FGD3: variants seen among roughly 807,000 people sequenced by gnomAD.
The protein encoded by FGD3 is FYVE, RhoGEF and PH domain containing 3, also known as FYVE, RhoGEF and PH domain-containing protein 3.
Under a neutral mutation model 71.8 loss-of-function variants are expected in FGD3, and 45 were observed. The ratio of observed to expected loss-of-function variants is 0.63; its 90% CI spans 0.49 to 0.80. The LOEUF (loss-of-function observed/expected upper bound fraction) is 0.80. Among genes scored for constraint, FGD3 ranks in the 30% least tolerant of loss-of-function variants. The pLI, the probability that FGD3 is intolerant of heterozygous loss-of-function variation, is 0.00. For missense variants in FGD3, 844 were observed against 951.5 expected (o/e 0.89, Z 1.49); for synonymous variants, 378 against 392.8 (o/e 0.96, Z 0.44).
chr9:92,993,436 T>G (rs1179471894), intron 3 of FGD3, among the ~76,000 whole-genome samples: 1 of 152,156 alleles, frequency 6.6e-6, no homozygotes, highest in East Asian at 1.9e-4. Flanking sequence ...ATGCTGTTAT[T>G]TTTAATCCAT....
chr9:93,033,936 C>G (rs1862479139), intron 16 of FGD3: 1 of 152,318 alleles, frequency 6.6e-6, no homozygotes, highest in African/African-American at 2.4e-5. Flanking sequence ...CTACCGAGCT[C>G]CCTCATGCCT....
chr9:92,977,159 G>C (rs1446303646), intron 3 of FGD3, among the ~76,000 whole-genome samples: 2 of 152,210 alleles, frequency 1.3e-5, no homozygotes. Context: ...GTCACCTATG[G>C]GGTGTGGCAC....
intron 3 of FGD3, among the ~76,000 whole-genome samples, chr9:93,001,588 A>G (rs1467397447): frequency 6.6e-6 from 1 of 152,184 alleles, no homozygotes; most frequent in Admixed American, 6.5e-5. Flanking sequence ...TTGACCCAAG[A>G]TGGGTCCTGG....
At chr9:93,020,245 G>A in intron 12 of FGD3, 72 bp from the exon 13 acceptor site, 1 of 1,413,158 alleles carries the variant, frequency 7.1e-7, no homozygotes, top group Non-Finnish European at 9.7e-7. Context: ...GACAGAGGCA[G>A]GCGCGTCCCT....
At chr9:92,980,030 A>T (rs1296884575) in intron 3 of FGD3, among the ~76,000 whole-genome samples, 1 of 145,028 alleles carries the variant, frequency 6.9e-6, no homozygotes, top group South Asian at 2.2e-4. Flanking sequence ...AATAGAATAG[A>T]TTTTTTTTTT....
At chr9:92,988,642 C>T (rs1004128234) in intron 3 of FGD3, among the ~76,000 whole-genome samples, 1 of 152,216 alleles carries the variant, frequency 6.6e-6, no homozygotes, top group African/African-American at 2.4e-5. Flanking sequence ...AGAGCAAGTA[C>T]TTACTGTAAA....
At position 93,023,172 on chromosome 9, in the gene FGD3, C is replaced by T. The variant is rs1179509378; in HGVS notation, c.1557+783C>T. On this transcript the variant is annotated intron_variant, in intron 14 of 17. Transcript: ENST00000375482. ...TGATTCTCCAGGTGCCTCGCCTCAC[C>T]CCATGCTGTGCAGGCCCAGGAATGA... Among the ~76,000 whole-genome samples, 3 of 152,190 alleles carry T rather than the reference C, an allele frequency of 2.0e-5. No individual in the cohort carries two copies. The East Asian group carries it at 5.8e-4, about 29-fold the overall frequency.
rs201916658 is a variant in FGD3 at position 92,971,541 on chromosome 9, T to TTTTTCTTTTC, written c.-217-3677_-217-3668dup. Among the ~76,000 whole-genome samples, 190 of 87,704 alleles carry TTTTTCTTTTC rather than the reference T, an allele frequency of 2.2e-3. 5 individuals carry two copies. The highest frequency in any genetic ancestry group is 8.6e-3 in the African/African-American group (179 of 20,896). The allele number at this position is 87,704 out of a possible 152,430, so 57.5% of individuals were successfully genotyped here. On this transcript the variant is annotated intron_variant, in intron 1 of 17. Coordinates refer to ENST00000375482, the MANE Select transcript of FGD3 (RefSeq NM_001083536.2). ...CAGTTCAAAGGCGATAAGGGTGGGATTTTTCTTTTCTTTTCTTTTCTTTTC... is the reference window on the plus strand; with the variant it reads ...CAGTTCAAAGGCGATAAGGGTGGGATTTTTCTTTTCTTTTCTTTTCTTTTCTTTTCTTTTC...
intron 1 of FGD3, among the ~76,000 whole-genome samples, chr9:92,948,842 C>T (rs1209195709): frequency 1.3e-5 from 2 of 152,168 alleles, no homozygotes; most frequent in African/African-American, 4.8e-5. Context: ...TTGGACACAA[C>T]GCCTTCTCTG....
At chr9:92,998,624 C>T (rs993529655) in intron 3 of FGD3, among the ~76,000 whole-genome samples, 2 of 152,254 alleles carry the variant, frequency 1.3e-5, no homozygotes, top group East Asian at 3.9e-4. Context: ...TACCTTTGGT[C>T]GTTGATGATG....
At chr9:92,951,045 G>A (rs1858945453) in intron 1 of FGD3, among the ~76,000 whole-genome samples, 2 of 152,152 alleles carry the variant, frequency 1.3e-5, no homozygotes, top group Admixed American at 6.5e-5. Context: ...AGCCCTGCAG[G>A]CTGAGGGTTG....
In FGD3 at chr9:92,956,046, A is replaced by G. The variant is rs145280536; in HGVS notation, c.-218+8317A>G. ...GTCTGCATGTTCATTGCCAGTATAT[A>G]CAAATTAAAGTGATTTTTGTGACTT... On this transcript the variant is annotated intron_variant, in intron 1 of 17. Coordinates refer to ENST00000375482, the MANE Select transcript of FGD3 (RefSeq NM_001083536.2). 9.8e-5 allele frequency among the ~76,000 whole-genome samples: 15 copies of G among 152,340 alleles called. No homozygotes were observed. The East Asian group carries it at 2.7e-3, about 27-fold the overall frequency.
chr9:93,034,520 C>T (rs1862509941), intron 16 of FGD3, 21 bp from the exon 17 acceptor site: 3 of 1,601,606 alleles, frequency 1.9e-6, no homozygotes, highest in Admixed American at 1.7e-5. Flanking sequence ...CTGCCCCTAA[C>T]CTGTGTCTTT....
intron 16 of FGD3, 195 bp downstream of exon 16, chr9:93,033,068 C>T (rs996384983): frequency 1.1e-5 from 7 of 661,768 alleles, no homozygotes; most frequent in Admixed American, 4.2e-5. Context: ...GCTGGCTTCT[C>T]GGGACCAGCC....
intron 1 of FGD3, among the ~76,000 whole-genome samples, chr9:92,949,273 A>G (rs1052267868): frequency 6.6e-6 from 1 of 152,074 alleles, no homozygotes; most frequent in Non-Finnish European, 1.5e-5. Context: ...CAGTTTCTCC[A>G]TTTGTAAATG....
At chr9:93,034,178 G>A (rs953623789) in intron 16 of FGD3, 4 of 191,382 alleles carry the variant, frequency 2.1e-5, no homozygotes, top group African/African-American at 7.0e-5. Context: ...GTGCACGCAC[G>A]TGCATGTATA....
At chr9:93,030,215 C>T (rs1339666835) in intron 15 of FGD3, among the ~76,000 whole-genome samples, 1 of 152,248 alleles carries the variant, frequency 6.6e-6, no homozygotes, top group Non-Finnish European at 1.5e-5. Context: ...TGGTGTTCAA[C>T]AAACACTACT....
chr9:92,959,994 T>A (rs1587811388), intron 1 of FGD3, among the ~76,000 whole-genome samples: 1 of 152,050 alleles, frequency 6.6e-6, no homozygotes, highest in East Asian at 1.9e-4. Flanking sequence ...ATTCTTCATG[T>A]CCCCGTATCC....
At chr9:93,008,565 C>T (rs910319603) in intron 6 of FGD3, among the ~76,000 whole-genome samples, 3 of 152,200 alleles carry the variant, frequency 2.0e-5, no homozygotes, top group Admixed American at 6.5e-5. Flanking sequence ...CTTCTCCCTG[C>T]GTCCTGCCCG....
Sources: allele counts gnomAD v4.1 joint callset (sites outside exome capture counted in the v4.1 genomes callset), GRCh38; gene constraint gnomAD v4.1.1; transcripts MANE v1.5; gene names NCBI Gene and HGNC (gene_info 2026-07-23, HGNC 2026-07-21).